ESR1: variants seen among roughly 807,000 people sequenced by gnomAD.
ESR1 encodes estrogen receptor.
Under a neutral mutation model 52.7 loss-of-function variants are expected in ESR1, and 12 were observed. That is an observed-to-expected ratio of 0.23 (90% CI 0.15 to 0.37). The LOEUF is 0.37. Among genes scored for constraint, ESR1 ranks in the 10% least tolerant of loss-of-function variants. ESR1 has a pLI of 1.00. For missense variants in ESR1, 584 were observed against 779.7 expected (o/e 0.75, Z 2.99); for synonymous variants, 305 against 316.8 (o/e 0.96, Z 0.39).
intron 2 of ESR1, among the ~76,000 whole-genome samples, chr6:151,723,793 C>A (rs1361260752): frequency 6.6e-6 from 1 of 152,008 alleles, no homozygotes; most frequent in Admixed American, 6.6e-5. Context: ...TCGCTTGAAC[C>A]CGGGAGGCCG....
chr6:151,977,118 G>A (rs185529461), intron 4 of ESR1, among the ~76,000 whole-genome samples: 1 of 152,092 alleles, frequency 6.6e-6, no homozygotes, highest in African/African-American at 2.4e-5. Flanking sequence ...ATTGTAGAGA[G>A]TGAAAATAAG....
At chr6:151,696,307 C>A (rs983054984) in intron 1 of ESR1, among the ~76,000 whole-genome samples, 4 of 151,826 alleles carry the variant, frequency 2.6e-5, no homozygotes, top group African/African-American at 9.7e-5. Context: ...GCTATCTCTA[C>A]TAAAAATACA....
intron 4 of ESR1, among the ~76,000 whole-genome samples, chr6:152,001,639 C>T (rs2041952993): frequency 6.6e-6 from 1 of 151,960 alleles, no homozygotes; most frequent in Non-Finnish European, 1.5e-5. Flanking sequence ...TAAAAGAATC[C>T]ACCATGGGTT....
chr6:151,671,857 T>G (rs1778073181), intron 1 of ESR1, among the ~76,000 whole-genome samples: 1 of 151,924 alleles, frequency 6.6e-6, no homozygotes, highest in Non-Finnish European at 1.5e-5. Context: ...CCAGGCATGG[T>G]GGTGGGTGCC....
chr6:151,885,054 G>A (rs1052656894), intron 3 of ESR1, among the ~76,000 whole-genome samples: 4 of 152,138 alleles, frequency 2.6e-5, no homozygotes, highest in Non-Finnish European at 2.9e-5. Context: ...CTTGTTTACC[G>A]ATCTTGCATG....
intron 2 of ESR1, among the ~76,000 whole-genome samples, chr6:151,715,099 T>C (rs952718278): frequency 6.6e-6 from 1 of 152,208 alleles, no homozygotes; most frequent in African/African-American, 2.4e-5. Context: ...CTTATGAAGC[T>C]TAGTTTGGCT....
chr6:151,806,530 G>GTATATGTATATATATATATA (rs1554259016), upstream of ESR1, among the ~76,000 whole-genome samples: 114 of 96,436 alleles, frequency 1.2e-3, no homozygotes, highest in Non-Finnish European at 2.0e-3. Context: ...TCCTTAATAT[G>GTATATGTATATATATATATA]TATATATATA....
intron 2 of ESR1, among the ~76,000 whole-genome samples, chr6:151,753,689 T>C (rs1784074783): frequency 6.6e-6 from 1 of 152,236 alleles, no homozygotes; most frequent in East Asian, 1.9e-4. Flanking sequence ...CCGTAGTGTT[T>C]CTATTCAATG....
chr6:151,818,312 C>T (rs558345058), intron 1 of ESR1, among the ~76,000 whole-genome samples: 1 of 152,182 alleles, frequency 6.6e-6, no homozygotes, highest in African/African-American at 2.4e-5. Flanking sequence ...GAACATGGGT[C>T]TCCTCTAGTG....
At position 151,910,191 on chromosome 6, in the gene ESR1, G is replaced by A. The variant is rs367843241; in HGVS notation, c.760+29420G>A. Among the ~76,000 whole-genome samples the A allele has an allele frequency of 9.9e-5, 15 of 151,774 alleles. No individual in the cohort carries two copies. The South Asian group carries it at 3.1e-3, about 32-fold the overall frequency. ...TAGCCACTAGCCACAGGTGGCTATT[G>A]AGCACTTGATATGTTGTTGGTGTGA... On this transcript the variant is annotated intron_variant, in intron 3 of 7. Transcript: ENST00000206249.
chr6:151,694,712 G>A (rs543427408), intron 1 of ESR1, among the ~76,000 whole-genome samples: 17 of 151,980 alleles, frequency 1.1e-4, no homozygotes, highest in East Asian at 1.9e-4. Flanking sequence ...GCTTGAACCC[G>A]CGAAGTGGAG....
chr6:151,707,805 A>G (rs1171795405), intron 2 of ESR1, among the ~76,000 whole-genome samples: 2 of 152,164 alleles, frequency 1.3e-5, no homozygotes, highest in Admixed American at 6.5e-5. Context: ...AATCCCATCT[A>G]GAAATCAAAT....
chr6:151,883,693 T>C (rs1793349263), intron 3 of ESR1, among the ~76,000 whole-genome samples: 1 of 152,068 alleles, frequency 6.6e-6, no homozygotes, highest in South Asian at 2.1e-4. Context: ...CAAAATACCA[T>C]AGACTGGGTG....
chr6:151,884,698 A>G (rs1405668177), intron 3 of ESR1, among the ~76,000 whole-genome samples: 1 of 152,228 alleles, frequency 6.6e-6, no homozygotes, highest in Non-Finnish European at 1.5e-5. Flanking sequence ...GAATCATGGT[A>G]GTTCTATAAG....
intron 3 of ESR1, among the ~76,000 whole-genome samples, chr6:151,899,503 G>A (rs1487896969): frequency 3.5e-5 from 5 of 142,386 alleles, no homozygotes; most frequent in South Asian, 2.3e-4. Flanking sequence ...CCTCCCGGAC[G>A]GGGCGGCTGG....
rs1224925214 is a variant in ESR1 at position 151,807,734 on chromosome 6, C to T, written c.-179C>T. On this transcript the variant is annotated 5_prime_UTR_variant, in exon 1 of 8. Transcript: ENST00000206249. ...CTGCACTTGCTCCCGTCGGGTCGCC[C>T]GGCTTCACCGGACCCGCAGGCTCCC... The T allele has an allele frequency of 1.0e-5, 7 of 680,714 alleles. No homozygotes were observed. The highest frequency in any genetic ancestry group is 1.0e-4 in the South Asian group (6 of 59,064). The allele number at this position is 680,714 out of a possible 1,614,324, so 42.2% of individuals were successfully genotyped here.
intron 4 of ESR1, among the ~76,000 whole-genome samples, chr6:151,968,605 C>T (rs1020930175): frequency 6.6e-6 from 1 of 152,048 alleles, no homozygotes; most frequent in Non-Finnish European, 1.5e-5. Context: ...TGTGTCCTCT[C>T]TTTCTTTCTC....
At chr6:151,759,510 TATA>T (rs530377619) in intron 2 of ESR1, among the ~76,000 whole-genome samples, 9 of 151,232 alleles carry the variant, frequency 6.0e-5, no homozygotes, top group South Asian at 4.2e-4. Context: ...AAACTTAAAG[TATA>T]ATAATAATAA....
At chr6:152,013,706 A>G (rs1225417760) in intron 5 of ESR1, among the ~76,000 whole-genome samples, 2 of 152,082 alleles carry the variant, frequency 1.3e-5, no homozygotes, top group African/African-American at 4.8e-5. Flanking sequence ...TCCTTTCTGT[A>G]CACTCCAGTG....
Sources: allele counts gnomAD v4.1 joint callset (sites outside exome capture counted in the v4.1 genomes callset), GRCh38; gene constraint gnomAD v4.1.1; transcripts MANE v1.5; gene names NCBI Gene and HGNC (gene_info 2026-07-23, HGNC 2026-07-21).